Variants in ELL observed in about 807,000 individuals in gnomAD.
ELL encodes RNA polymerase II elongation factor ELL.
Under a neutral mutation model 64.0 loss-of-function variants are expected in ELL, and 18 were observed. The ratio of observed to expected loss-of-function variants is 0.28; its 90% CI spans 0.19 to 0.42. The LOEUF (loss-of-function observed/expected upper bound fraction) is 0.42, where lower values mean the gene tolerates loss of function less well. ELL is among the 10% of genes least tolerant of loss of function. The pLI, the probability that ELL is intolerant of heterozygous loss-of-function variation, is 1.00. For missense variants in ELL, 797 were observed against 870.4 expected (o/e 0.92, Z 1.06); for synonymous variants, 399 against 376.2 (o/e 1.06, Z -0.70).
At chr19:18,484,812 T>C (rs1363239870) in intron 1 of ELL, among the ~76,000 whole-genome samples, 2 of 152,188 alleles carry the variant, frequency 1.3e-5, no homozygotes, top group East Asian at 3.8e-4. Context: ...GTACTGGACC[T>C]AGGAATTTTG....
At chr19:18,488,051 C>T (rs959792698) in intron 1 of ELL, among the ~76,000 whole-genome samples, 1 of 152,206 alleles carries the variant, frequency 6.6e-6, no homozygotes, top group Non-Finnish European at 1.5e-5. Flanking sequence ...ATAACCTCAG[C>T]AGTGTGGTAT....
rs748950436 is a variant in ELL at position 18,472,886 on chromosome 19, T to TAAAA, written c.136-8_136-5dup. Reference sequence around the variant, plus strand: ...ATGGCCTCAGTGAAACAGAATCCTATAAAAAAAAAAAAAAAAAAAAAAAGG... The same window carrying TAAAA: ...ATGGCCTCAGTGAAACAGAATCCTATAAAAAAAAAAAAAAAAAAAAAAAAAAAGG... On this transcript the variant is annotated splice_region_variant and splice_polypyrimidine_tract_variant and intron_variant, in intron 1 of 11. Transcript: ENST00000262809. 7.5e-4 allele frequency: 912 copies of TAAAA among 1,216,638 alleles called. No individual in the cohort carries two copies. Among genetic ancestry groups the TAAAA allele is most frequent in the South Asian group, 3.3e-3 (182 of 55,454 alleles). The allele number at this position is 1,216,638 out of a possible 1,614,324, so 75.4% of individuals were successfully genotyped here.
chr19:18,451,688 G>A, intron 6 of ELL, 40 bp from the exon 7 acceptor site: 2 of 1,449,616 alleles, frequency 1.4e-6, no homozygotes, highest in South Asian at 1.4e-5. Context: ...AGGTGCTGAG[G>A]GGGCCTAGGG....
chr19:18,498,672 G>C (rs988534773), intron 1 of ELL, among the ~76,000 whole-genome samples: 12 of 152,128 alleles, frequency 7.9e-5, no homozygotes, highest in African/African-American at 2.9e-4. Flanking sequence ...TAAGAACACA[G>C]AAAGCTGGGT....
intron 3 of ELL, 93 bp downstream of exon 3, chr19:18,465,704 T>C: frequency 2.7e-6 from 4 of 1,461,166 alleles, no homozygotes; most frequent in Non-Finnish European, 1.8e-6. Context: ...TCAGGCAATA[T>C]GGTTTCAATG....
chr19:18,489,663 C>T (rs557854507), intron 1 of ELL, among the ~76,000 whole-genome samples: 11 of 152,304 alleles, frequency 7.2e-5, no homozygotes, highest in African/African-American at 2.6e-4. Context: ...CTTCATGGTA[C>T]TCACACTCAG....
intron 1 of ELL, among the ~76,000 whole-genome samples, chr19:18,482,879 C>A (rs1211972594): frequency 1.3e-5 from 2 of 151,946 alleles, no homozygotes; most frequent in Non-Finnish European, 2.9e-5. Context: ...CAGCCACAGT[C>A]TCCTGGGCTC....
At chr19:18,451,033 G>A (rs995537718) in intron 7 of ELL, 58 bp from the exon 8 acceptor site, 1 of 1,471,920 alleles carries the variant, frequency 6.8e-7, no homozygotes. Flanking sequence ...GCAGCAACAG[G>A]CAATCCCCTG....
intron 1 of ELL, among the ~76,000 whole-genome samples, chr19:18,497,649 T>C (rs956662319): frequency 1.3e-5 from 2 of 151,572 alleles, no homozygotes; most frequent in African/African-American, 4.9e-5. Context: ...CAAGACTGTC[T>C]AAAAAAATTT....
chr19:18,520,706 C>T (rs1201938877), intron 1 of ELL, among the ~76,000 whole-genome samples: 2 of 148,926 alleles, frequency 1.3e-5, no homozygotes, highest in African/African-American at 2.5e-5. Context: ...CTCCCCCGCC[C>T]GCGGCACCCC....
At chr19:18,515,150 G>A (rs1456308154) in intron 1 of ELL, among the ~76,000 whole-genome samples, 1 of 152,234 alleles carries the variant, frequency 6.6e-6, no homozygotes, top group Non-Finnish European at 1.5e-5. Context: ...ACGATGCCGA[G>A]TGCAGAGCTC....
intron 7 of ELL, 121 bp downstream of exon 7, chr19:18,451,431 G>A (rs1462733153): frequency 5.3e-6 from 5 of 940,820 alleles, no homozygotes; most frequent in Middle Eastern, 2.6e-4. Context: ...GGAGGGAGGC[G>A]GCTCAACTTG....
At chr19:18,516,746 G>A (rs1219639419) in intron 1 of ELL, among the ~76,000 whole-genome samples, 1 of 152,156 alleles carries the variant, frequency 6.6e-6, no homozygotes, top group Non-Finnish European at 1.5e-5. Flanking sequence ...AAGAGGAAGA[G>A]AATCTGGAAC....
At chr19:18,463,722 T>A (rs1974878969) in intron 4 of ELL, among the ~76,000 whole-genome samples, 2 of 151,818 alleles carry the variant, frequency 1.3e-5, no homozygotes, top group Non-Finnish European at 2.9e-5. Flanking sequence ...CTCACACCTG[T>A]AATCCCAGCA....
chr19:18,446,666 T>C, intron 9 of ELL, 82 bp downstream of exon 9: 1 of 1,561,184 alleles, frequency 6.4e-7, no homozygotes, highest in Non-Finnish European at 8.7e-7. Flanking sequence ...GGCTTCTACC[T>C]CTGATAACCT....
intron 1 of ELL, among the ~76,000 whole-genome samples, chr19:18,474,598 C>CA (rs1460202687): frequency 6.6e-6 from 1 of 152,272 alleles, no homozygotes; most frequent in African/African-American, 2.4e-5. Flanking sequence ...CATGGTGCAA[C>CA]ACGTCCATGG....
intron 7 of ELL, 112 bp downstream of exon 7, chr19:18,451,440 T>TGG (rs1974533567): frequency 9.6e-7 from 1 of 1,037,342 alleles, no homozygotes. Context: ...CGGCTCAACT[T>TGG]GGAGCAGCTC....
At chr19:18,458,593 C>A (rs769938404) in intron 5 of ELL, among the ~76,000 whole-genome samples, 1 of 152,074 alleles carries the variant, frequency 6.6e-6, no homozygotes, top group Non-Finnish European at 1.5e-5. Flanking sequence ...GGTGCTGGGG[C>A]CAGGCTGGCT....
rs1259013762 is a variant in ELL at position 18,501,573 on chromosome 19, G to C, written c.135+20348C>G. On this transcript the variant is annotated intron_variant, in intron 1 of 11. Transcript: ENST00000262809. This position sits in a 1 kb window ranked among gnomAD's most constrained non-coding sequence, Gnocchi z 4.5. ...GGCACAGCCAGCTCAGAGCCAGGCG[G>C]ATGAGACGGGGGCCAAGCCAGGGGC... Among the ~76,000 whole-genome samples, 2 of 152,190 alleles carry C rather than the reference G, an allele frequency of 1.3e-5. No individual in the cohort carries two copies. Among genetic ancestry groups the C allele is most frequent in the Non-Finnish European group, 2.9e-5 (2 of 68,036 alleles).
Sources: gnomAD v4.1 joint callset for allele counts (sites outside exome capture counted in the v4.1 genomes callset) on GRCh38, gnomAD v4.1.1 for gene constraint, Gnocchi (gnomAD v3.1) non-coding constraint, MANE v1.5 for transcripts, NCBI Gene and HGNC (gene_info 2026-07-23, HGNC 2026-07-21) for gene names.